The following UGT2A1 variants were observed in gnomAD, a reference collection of about 807,000 sequenced individuals.
UGT2A1 encodes UDP glucuronosyltransferase family 2 member A1 complex locus, also known as UDP-glucuronosyltransferase 2A1.
A neutral mutation model predicts 45.4 loss-of-function variants in UGT2A1; 61 were observed. That is an observed-to-expected ratio of 1.34 (90% CI 1.09 to 1.66). The LOEUF is 1.66. Ranked by LOEUF, UGT2A1 falls within the 40% of genes most tolerant of loss-of-function variation. UGT2A1 has a pLI of 0.00. For synonymous variants in UGT2A1, 229 were observed against 196.2 expected (o/e 1.17, Z -1.40); for missense variants, 649 against 574.3 (o/e 1.13, Z -1.33).
rs570247830 is a variant in UGT2A1, at chr4:69,605,401, C to A, written c.848-6007G>T. ...CAACAAAGACACAACATACCAGAAT[C>A]TCTGGGACACATTCAAAGCAGTGTG... On this transcript the variant is annotated intron_variant, in intron 3 of 6. Transcript: ENST00000286604. Among the ~76,000 whole-genome samples the A allele has an allele frequency of 1.2e-4, 16 of 137,052 alleles. 3 individuals carry two copies. The highest frequency in any genetic ancestry group is 3.8e-3 in the Middle Eastern group (1 of 260). The allele number at this position is 137,052 out of a possible 152,430, so 89.9% of individuals were successfully genotyped here. A position where few individuals can be genotyped will look rare whatever the true frequency, so the allele number is the denominator to read the frequency against.
At chr4:69,613,106 A>G (rs1186081279) in intron 3 of UGT2A1, among the ~76,000 whole-genome samples, 1 of 152,048 alleles carries the variant, frequency 6.6e-6, no homozygotes, top group Non-Finnish European at 1.5e-5. Context: ...GAAGACATAC[A>G]ATCAACCTGC....
intron 3 of UGT2A1, among the ~76,000 whole-genome samples, chr4:69,627,029 G>A (rs1250597825): frequency 6.6e-6 from 1 of 151,638 alleles, no homozygotes; most frequent in African/African-American, 2.4e-5. Flanking sequence ...TTAGATAATG[G>A]CATATAAAAC....
At chr4:69,595,375 C>A in intron 4 of UGT2A1, 126 bp from the exon 5 acceptor site, 1 of 1,101,926 alleles carries the variant, frequency 9.1e-7, no homozygotes, top group Non-Finnish European at 1.3e-6. Context: ...CAGTAGTTTA[C>A]AAACGTTGAG....
At chr4:69,614,881 C>A (rs1001243075) in intron 3 of UGT2A1, among the ~76,000 whole-genome samples, 3 of 151,992 alleles carry the variant, frequency 2.0e-5, no homozygotes, top group African/African-American at 7.2e-5. Context: ...ACAGGCTGTA[C>A]AGGAGGCATG....
intron 3 of UGT2A1, among the ~76,000 whole-genome samples, chr4:69,602,924 C>A (rs1364738176): frequency 1.5e-5 from 2 of 134,282 alleles, no homozygotes; most frequent in Admixed American, 7.4e-5. Flanking sequence ...AAAAATTAGC[C>A]GGGCGTGGTG....
chr4:69,639,241 G>A (rs1282595953), intron 2 of UGT2A1: 1 of 1,613,674 alleles, frequency 6.2e-7, no homozygotes, highest in Admixed American at 1.7e-5. Flanking sequence ...CCATCACAGA[G>A]TTGTATGTTA....
chr4:69,594,434 T>A (rs144768656), intron 6 of UGT2A1, 43 bp downstream of exon 6: 2 of 1,600,668 alleles, frequency 1.2e-6, no homozygotes, highest in East Asian at 4.5e-5. Flanking sequence ...TTATGAATAA[T>A]GTAATTAAAG....
At chr4:69,647,773 C>A in intron 1 of UGT2A1, 75 bp from the exon 2 acceptor site, 1 of 640,304 alleles carries the variant, frequency 1.6e-6, no homozygotes, top group South Asian at 2.5e-5. Context: ...TAAAAGCCTT[C>A]TTTCTAGAAA....
intron 2 of UGT2A1, chr4:69,639,455 C>T: frequency 6.2e-7 from 1 of 1,613,026 alleles, no homozygotes; most frequent in Non-Finnish European, 8.5e-7. Context: ...CTGATGAAGC[C>T]AGTACAGTCA....
At chr4:69,597,437 A>G (rs745360550) in intron 4 of UGT2A1, among the ~76,000 whole-genome samples, 5 of 152,190 alleles carry the variant, frequency 3.3e-5, no homozygotes, top group Non-Finnish European at 7.4e-5. Flanking sequence ...TTGACACTGC[A>G]AAATCTGAGA....
At chr4:69,641,437 C>T (rs1015422373) in intron 2 of UGT2A1, among the ~76,000 whole-genome samples, 1 of 151,726 alleles carries the variant, frequency 6.6e-6, no homozygotes, top group East Asian at 1.9e-4. Context: ...TCTTCTCTTC[C>T]GAAGTGCTCC....
chr4:69,596,858 A>C (rs1406959553), intron 4 of UGT2A1, among the ~76,000 whole-genome samples: 1 of 152,210 alleles, frequency 6.6e-6, no homozygotes, highest in Non-Finnish European at 1.5e-5. Flanking sequence ...CGTCTCTGAA[A>C]TGTATAACTT....
At position 69,647,633 on chromosome 4, in the gene UGT2A1, G is replaced by C. The variant is rs1399899129; in HGVS notation, c.12C>G (p.Asn4Lys). The C allele has an allele frequency of 1.3e-6, 2 of 1,573,208 alleles. No individual in the cohort carries two copies. The highest frequency in any genetic ancestry group is 1.4e-5 in the African/African-American group (1 of 73,240). The change falls in exon 2 of 7, where the codon AAC becomes AAG. Residue 4 changes from asparagine (N) to lysine (K), a missense_variant. Coordinates refer to ENST00000286604, the MANE Select transcript of UGT2A1 (RefSeq NM_001252275.3). ...TTATCTGAAGGGAGAACAGCAGAAGGTTGTTTAACATGATGTGGCTTGATG... is the reference window on the plus strand; with the variant it reads ...TTATCTGAAGGGAGAACAGCAGAAGCTTGTTTAACATGATGTGGCTTGATG... MLN[N>K]LLLFSLQISL...
intron 6 of UGT2A1, among the ~76,000 whole-genome samples, chr4:69,593,280 T>C (rs1359644170): frequency 6.6e-6 from 1 of 151,438 alleles, no homozygotes; most frequent in Non-Finnish European, 1.5e-5. Flanking sequence ...GAACACTGAG[T>C]CCCTTAAAAT....
intron 4 of UGT2A1, 151 bp from the exon 5 acceptor site, chr4:69,595,400 T>TAC (rs1718864684): frequency 1.3e-6 from 1 of 795,508 alleles, no homozygotes; most frequent in African/African-American, 1.7e-5. Context: ...GTAGTAGGAC[T>TAC]GTTTATATGT....
intron 2 of UGT2A1, among the ~76,000 whole-genome samples, chr4:69,638,178 T>C (rs1216891941): frequency 6.6e-6 from 1 of 152,080 alleles, no homozygotes; most frequent in Non-Finnish European, 1.5e-5. Context: ...TATTGATTAG[T>C]GTCCCGAGTA....
chr4:69,643,603 A>G (rs1048175192), intron 2 of UGT2A1, among the ~76,000 whole-genome samples: 2 of 151,658 alleles, frequency 1.3e-5, no homozygotes, highest in African/African-American at 4.8e-5. Flanking sequence ...TATGATATCC[A>G]TGAGTTTGAG....
intron 5 of UGT2A1, 55 bp from the exon 6 acceptor site, chr4:69,594,751 T>C: frequency 1.3e-5 from 20 of 1,559,990 alleles, no homozygotes; most frequent in Non-Finnish European, 1.7e-5. Context: ...ATTAGCAGAA[T>C]TTGAGAGACA....
chr4:69,613,458 G>A (rs1469826664), intron 3 of UGT2A1, among the ~76,000 whole-genome samples: 1 of 151,916 alleles, frequency 6.6e-6, no homozygotes, highest in Non-Finnish European at 1.5e-5. Context: ...GTTGAAATAT[G>A]TTCCAAAACA....
Sources: allele counts gnomAD v4.1 joint callset (sites outside exome capture counted in the v4.1 genomes callset), GRCh38; gene constraint gnomAD v4.1.1; transcripts MANE v1.5; gene names NCBI Gene and HGNC (gene_info 2026-07-23, HGNC 2026-07-21).